The following SNX14 variants were observed in gnomAD, a reference collection of about 807,000 sequenced individuals.
SNX14 encodes the protein sorting nexin 14.
SNX14 carries 93 observed loss-of-function variants against 133.8 expected under a neutral mutation model. The observed-to-expected ratio is 0.70, with a 90% CI of 0.59 to 0.83. The LOEUF is 0.83. Among genes scored for constraint, SNX14 ranks in the 40% least tolerant of loss-of-function variants. SNX14 has a pLI of 0.00. For synonymous variants in SNX14, 368 were observed against 365.6 expected (o/e 1.01, Z -0.07); for missense variants, 945 against 1,094.9 (o/e 0.86, Z 1.93).
intron 26 of SNX14, among the ~76,000 whole-genome samples, chr6:85,510,486 T>C (rs1772407783): frequency 6.6e-6 from 1 of 152,204 alleles, no homozygotes; most frequent in South Asian, 2.1e-4. Context: ...TATTGTTGAG[T>C]TTCAGGATTT....
chr6:85,579,423 CA>C, intron 1 of SNX14, among the ~76,000 whole-genome samples: 1 of 151,966 alleles, frequency 6.6e-6, no homozygotes, highest in South Asian at 2.1e-4. Context: ...ACTATCTAAA[CA>C]AAAAAAACCT....
chr6:85,522,574 A>C (rs1176862080), intron 21 of SNX14, among the ~76,000 whole-genome samples: 1 of 152,178 alleles, frequency 6.6e-6, no homozygotes, highest in Non-Finnish European at 1.5e-5. Flanking sequence ...AATTTTCTCT[A>C]TAATGGTCAT....
rs532979711 is a variant in SNX14 at position 85,520,509 on chromosome 6, C to A, written c.2108-2461G>T. ...AGTAGCTGGGACTACAGGCGCCCAC[C>A]ACCATGCCCAGCTAATTTTTGTGTT... On this transcript the variant is annotated intron_variant, in intron 21 of 28. Coordinates refer to ENST00000314673, the MANE Select transcript of SNX14 (RefSeq NM_153816.6). Among the ~76,000 whole-genome samples the A allele has an allele frequency of 3.3e-5, 5 of 152,112 alleles. No homozygotes were observed. The South Asian group carries it at 1.0e-3, about 32-fold the overall frequency.
At chr6:85,561,476 A>AAAAAT (rs1199675425) in intron 6 of SNX14, 5 of 152,248 alleles carry the variant, frequency 3.3e-5, no homozygotes, top group African/African-American at 1.2e-4. Flanking sequence ...ATTCCAAAGT[A>AAAAAT]TAACTTAAAT....
At chr6:85,506,809 T>C (rs1770874569) in intron 28 of SNX14, among the ~76,000 whole-genome samples, 2 of 152,180 alleles carry the variant, frequency 1.3e-5, no homozygotes, top group African/African-American at 2.4e-5. Context: ...TTCAACATAG[T>C]AATAATATGA....
intron 16 of SNX14, among the ~76,000 whole-genome samples, chr6:85,537,345 G>A (rs1229993752): frequency 2.0e-5 from 3 of 150,574 alleles, no homozygotes; most frequent in African/African-American, 7.3e-5. Flanking sequence ...AAAATTATGC[G>A]ACAGAAAAAA....
At chr6:85,528,384 G>C (rs112599967) in intron 19 of SNX14, 22 bp from the exon 20 acceptor site, 15 of 1,550,738 alleles carry the variant, frequency 9.7e-6, no homozygotes, top group African/African-American at 1.4e-5. Context: ...ATATATTATA[G>C]TTATTACTGT....
At chr6:85,566,097 A>C (rs549492740) in intron 5 of SNX14, among the ~76,000 whole-genome samples, 3 of 152,340 alleles carry the variant, frequency 2.0e-5, no homozygotes, top group Admixed American at 6.5e-5. Flanking sequence ...AACCCTACAG[A>C]AGGGGATATT....
chr6:85,519,394 G>C (rs766917646), intron 21 of SNX14, among the ~76,000 whole-genome samples: 1 of 152,178 alleles, frequency 6.6e-6, no homozygotes, highest in Non-Finnish European at 1.5e-5. Context: ...AACAATTTGG[G>C]AACCTAAGGT....
intron 26 of SNX14, among the ~76,000 whole-genome samples, chr6:85,509,823 C>T (rs990002758): frequency 1.3e-5 from 2 of 152,066 alleles, no homozygotes; most frequent in Admixed American, 1.3e-4. Flanking sequence ...CCTATTCATC[C>T]CTCCCTCCCC....
intron 2 of SNX14, 132 bp downstream of exon 2, chr6:85,574,126 A>G: frequency 1.4e-6 from 1 of 691,082 alleles, no homozygotes; most frequent in East Asian, 3.4e-5. Flanking sequence ...AAACAAAAAA[A>G]AAAAAGAGAA....
intron 1 of SNX14, among the ~76,000 whole-genome samples, chr6:85,577,286 C>T (rs79890604): frequency 3.3e-5 from 5 of 151,944 alleles, no homozygotes; most frequent in East Asian, 3.9e-4. Context: ...GGCATGGTGG[C>T]GCATGCCTGT....
At position 85,572,421 on chromosome 6, in the gene SNX14, A is replaced by G. The variant is rs768743866; in HGVS notation, c.262-47T>C. The G allele has an allele frequency of 2.2e-6, 3 of 1,359,740 alleles. No individual in the cohort carries two copies. The South Asian group carries it at 3.8e-5, about 17-fold the overall frequency. 84.2% of individuals were successfully genotyped at this position (1,359,740 alleles called of 1,614,324 possible). A position where few individuals can be genotyped will look rare whatever the true frequency, so the allele number is the denominator to read the frequency against. The stretch of plus-strand genomic sequence containing the variant: ...TGGTGGGGAGATCCATCTTTACATA[A>G]CATCTTTATTTAAAAGAATCAACTT... On this transcript the variant is annotated intron_variant, in intron 2 of 28. Transcript: ENST00000314673.
At chr6:85,532,398 A>T (rs963050672) in intron 18 of SNX14, among the ~76,000 whole-genome samples, 1 of 152,122 alleles carries the variant, frequency 6.6e-6, no homozygotes, top group African/African-American at 2.4e-5. Flanking sequence ...ATAACTAGCT[A>T]CTCTGGGCAT....
chr6:85,546,068 T>C (rs1002215134), intron 12 of SNX14, among the ~76,000 whole-genome samples: 2 of 152,168 alleles, frequency 1.3e-5, no homozygotes, highest in Admixed American at 1.3e-4. Flanking sequence ...GGAGTACATA[T>C]TATGTGATTC....
rs1172347805 is a variant in SNX14 at position 85,550,151 on chromosome 6, C to CAGG, written c.635-273_635-272insCCT. On this transcript the variant is annotated intron_variant, in intron 7 of 28. Transcript: ENST00000314673. ...GTCCCAGCTACTCAAGAGGCTGAGG[C>CAGG]AGAATTGCTTGAACCCAGGAGGCGG... Among the ~76,000 whole-genome samples, 3 of 152,274 alleles carry CAGG rather than the reference C, an allele frequency of 2.0e-5. No individual in the cohort carries two copies. In the East Asian group the frequency reaches 5.8e-4, roughly 29 times the overall value.
chr6:85,508,017 C>T lies in SNX14; in HGVS notation c.2696G>A (p.Ser899Asn), dbSNP rs1026664676. Reference sequence around the variant, plus strand: ...TAAGCCATCAAACAGAAGTCTGATGCTTTCATACTTGGTTTCTTCACCAAT... The same window carrying T: ...TAAGCCATCAAACAGAAGTCTGATGTTTTCATACTTGGTTTCTTCACCAAT... ...KCIGEETKYE[S>N]IRLLFDGLQQ... Residue 899 changes from serine (S) to asparagine (N), a missense_variant, in exon 27 of 29, where the codon AGC becomes AAC. Around this residue, in one of 3 missense-constraint regions of SNX14, gnomAD observed 412 missense variants for 516.6 expected, o/e 0.80. Transcript: ENST00000314673. 12 of 1,613,084 alleles carry T rather than the reference C, an allele frequency of 7.4e-6. No homozygotes were observed. The highest frequency in any genetic ancestry group is 1.0e-5 in the Non-Finnish European group (12 of 1,179,526).
chr6:85,543,839 G>T, intron 12 of SNX14, 79 bp from the exon 13 acceptor site: 1 of 846,700 alleles, frequency 1.2e-6, no homozygotes, highest in Non-Finnish European at 1.6e-6. Context: ...CATTCTAATT[G>T]TAGCCAATAC....
chr6:85,523,940 C>A (rs998796717), intron 21 of SNX14, among the ~76,000 whole-genome samples: 1 of 152,120 alleles, frequency 6.6e-6, no homozygotes, highest in African/African-American at 2.4e-5. Context: ...AACTAAAGGT[C>A]AGACTACATT....
Sources: allele counts gnomAD v4.1 joint callset (sites outside exome capture counted in the v4.1 genomes callset), GRCh38; gene constraint gnomAD v4.1.1; regional missense constraint gnomAD v4.1.1; transcripts MANE v1.5; gene names NCBI Gene and HGNC (gene_info 2026-07-23, HGNC 2026-07-21).